The following ST18 variants were observed in gnomAD, a reference collection of about 807,000 sequenced individuals.
ST18 encodes the protein suppression of tumorigenicity 18 protein.
Under a neutral mutation model 110.0 loss-of-function variants are expected in ST18, and 50 were observed. The ratio of observed to expected loss-of-function variants is 0.45; its 90% confidence interval spans 0.36 to 0.58. ST18 has a LOEUF of 0.58. Ranked by LOEUF, ST18 falls within the 20% of genes least tolerant of loss-of-function variation. The probability of loss-of-function intolerance (pLI) is 0.00; values close to 1 mark genes in which losing one functional copy is unlikely to be tolerated. For missense variants in ST18, 1,306 were observed against 1,280.1 expected, an observed-to-expected ratio of 1.02 and a Z score of -0.31; for synonymous variants, 461 against 452.4, an observed-to-expected ratio of 1.02 and a Z score of -0.24.
At position 52,164,106 on chromosome 8, in the gene ST18, AAC is replaced by A; in HGVS notation, c.1296-18_1296-17del. On this transcript the variant is annotated splice_polypyrimidine_tract_variant and intron_variant, in intron 12 of 25. Coordinates refer to ENST00000689386, the MANE Select transcript of ST18 (RefSeq NM_001352837.2). ...ACCAGAAAGACTGTTTAAAAAAAGA[AAC>A]ACAGGAGGATTTTAGTTAAAATGAT... is the stretch of plus-strand genomic sequence containing the variant. 1.2e-6 allele frequency: 2 copies of A among 1,601,556 alleles called. No homozygotes were observed. Among genetic ancestry groups the A allele is most frequent in the Non-Finnish European group, 1.7e-6 (2 of 1,168,498 alleles).
At chr8:52,242,330 G>A (rs990065598) in intron 2 of ST18, among the ~76,000 whole-genome samples, 4 of 152,192 alleles carry the variant, frequency 2.6e-5, no homozygotes, top group Non-Finnish European at 5.9e-5. Context: ...AAAGCACAGA[G>A]GCAGACTGTT....
intron 8 of ST18, among the ~76,000 whole-genome samples, chr8:52,194,009 A>T (rs1252024684): frequency 6.6e-6 from 1 of 152,244 alleles, no homozygotes; most frequent in Non-Finnish European, 1.5e-5. Context: ...TGACAAGGTT[A>T]TCTGATAACG....
At chr8:52,220,632 T>A (rs576310952) in intron 5 of ST18, 109 bp downstream of exon 5, 1 of 152,270 alleles carries the variant, frequency 6.6e-6, no homozygotes, top group Non-Finnish European at 1.5e-5. Flanking sequence ...TGTAAGCGAA[T>A]CCACAGAGAA....
chr8:52,116,195 C>T (rs879231977), intron 25 of ST18, 80 bp downstream of exon 25: 25 of 1,525,716 alleles, frequency 1.6e-5, no homozygotes, highest in Admixed American at 1.5e-4. Context: ...AAAGCTCAGT[C>T]GTGGCAACCC....
chr8:52,243,786 A>G (rs924659399), intron 2 of ST18, among the ~76,000 whole-genome samples: 1 of 152,150 alleles, frequency 6.6e-6, no homozygotes, highest in Non-Finnish European at 1.5e-5. Flanking sequence ...TTGGTACCAC[A>G]AGTTCTTTTT....
intron 3 of ST18, among the ~76,000 whole-genome samples, chr8:52,223,590 G>A (rs1383705717): frequency 6.6e-6 from 1 of 151,142 alleles, no homozygotes; most frequent in Non-Finnish European, 1.5e-5. Context: ...GTTGCAGTGA[G>A]CCAAGATCAC....
intron 2 of ST18, among the ~76,000 whole-genome samples, chr8:52,266,537 C>A (rs961036436): frequency 6.7e-6 from 1 of 148,184 alleles, no homozygotes; most frequent in African/African-American, 2.5e-5. Context: ...AGAGTTTCTG[C>A]CACTTTTTTT....
At chr8:52,222,175 T>A (rs1294951098) in intron 3 of ST18, 1 of 152,184 alleles carries the variant, frequency 6.6e-6, no homozygotes, top group Non-Finnish European at 1.5e-5. Context: ...AGATTGCCAA[T>A]AAAGAACTGA....
chr8:52,380,542 C>T (rs916390742), intron 2 of ST18, among the ~76,000 whole-genome samples: 5 of 152,126 alleles, frequency 3.3e-5, no homozygotes, highest in African/African-American at 9.7e-5. Flanking sequence ...AGAGAAAGAA[C>T]ATCTGTCTCC....
At chr8:52,393,258 T>C (rs576535190) in intron 2 of ST18, among the ~76,000 whole-genome samples, 1 of 152,204 alleles carries the variant, frequency 6.6e-6, no homozygotes, top group East Asian at 1.9e-4. Context: ...TGATGTTTCC[T>C]TCTCTGTCAT....
At chr8:52,318,698 T>C (rs1381402968) in intron 2 of ST18, among the ~76,000 whole-genome samples, 2 of 152,158 alleles carry the variant, frequency 1.3e-5, no homozygotes, top group Non-Finnish European at 2.9e-5. Flanking sequence ...ATGTGGTACA[T>C]ATACTGGGTA....
At chr8:52,118,974 T>C (rs73583961) in intron 23 of ST18, among the ~76,000 whole-genome samples, 3,442 of 152,184 alleles carry the variant, frequency 0.023, 126 homozygotes, top group African/African-American at 0.079. Flanking sequence ...TTAGGACCCA[T>C]GATGGGAGGC....
chr8:52,264,525 G>T (rs1403616999), intron 2 of ST18, among the ~76,000 whole-genome samples: 2 of 152,266 alleles, frequency 1.3e-5, no homozygotes, highest in East Asian at 3.9e-4. Flanking sequence ...GACACAAGAG[G>T]CTTAAGGGAT....
Position 52,220,035 on chromosome 8 carries a change from C to T in ST18, c.-157+706G>A, listed in dbSNP as rs929637704. Reference sequence around the variant, plus strand: ...GGGATTTCTATTAGTCACTGTACCACGGCCTCAGAGTCACAGCTTTGTGAC... The same window carrying T: ...GGGATTTCTATTAGTCACTGTACCATGGCCTCAGAGTCACAGCTTTGTGAC... On this transcript the variant is annotated intron_variant, in intron 5 of 25. Transcript: ENST00000689386. Among the ~76,000 whole-genome samples the T allele has an allele frequency of 6.6e-5, 10 of 152,214 alleles. No individual in the cohort carries two copies. In the East Asian group the frequency reaches 1.2e-3, roughly 18 times the overall value.
At chr8:52,217,166 G>A (rs1440991191) in intron 6 of ST18, among the ~76,000 whole-genome samples, 1 of 152,076 alleles carries the variant, frequency 6.6e-6, no homozygotes, top group Non-Finnish European at 1.5e-5. Flanking sequence ...CAAAACAGAG[G>A]TTTTATTTTT....
chr8:52,298,321 A>G (rs2095664768), intron 2 of ST18, among the ~76,000 whole-genome samples: 1 of 152,218 alleles, frequency 6.6e-6, no homozygotes, highest in Non-Finnish European at 1.5e-5. Context: ...ACATTATGAC[A>G]CATTCAAAGC....
intron 23 of ST18, among the ~76,000 whole-genome samples, chr8:52,119,290 C>T (rs1237161086): frequency 6.6e-6 from 1 of 152,102 alleles, no homozygotes; most frequent in African/African-American, 2.4e-5. Context: ...AGTATGACTA[C>T]ATTTGAAAGG....
intron 2 of ST18, among the ~76,000 whole-genome samples, chr8:52,232,257 G>A (rs2091613695): frequency 1.3e-5 from 2 of 152,148 alleles, no homozygotes; most frequent in Admixed American, 1.3e-4. Context: ...TATTGAACTT[G>A]ATCTTCCCTT....
intron 2 of ST18, among the ~76,000 whole-genome samples, chr8:52,392,930 T>A (rs1305586277): frequency 6.6e-6 from 1 of 152,220 alleles, no homozygotes; most frequent in Non-Finnish European, 1.5e-5. Context: ...AGAGGTACTT[T>A]CTATTTTCCA....
Sources: gnomAD v4.1 joint callset for allele counts (sites outside exome capture counted in the v4.1 genomes callset) on GRCh38, gnomAD v4.1.1 for gene constraint, MANE v1.5 for transcripts, NCBI Gene and HGNC (gene_info 2026-07-23, HGNC 2026-07-21) for gene names.